The following ZWILCH variants were observed in gnomAD, a reference collection of about 807,000 sequenced individuals.
ZWILCH encodes protein zwilch homolog.
Under a neutral mutation model 79.9 loss-of-function variants are expected in ZWILCH, and 74 were observed. That is an observed-to-expected ratio of 0.93 (90% CI 0.77 to 1.12). The LOEUF is 1.12. ZWILCH is among the 50% of genes most tolerant of loss of function. The pLI, the probability that ZWILCH is intolerant of heterozygous loss-of-function variation, is 0.00. For synonymous variants in ZWILCH, 241 were observed against 228.2 expected (o/e 1.06, Z -0.51); for missense variants, 694 against 687.5 (o/e 1.01, Z -0.11).
chr15:66,527,223 A>C, intron 8 of ZWILCH, 67 bp from the exon 9 acceptor site: 2 of 1,077,986 alleles, frequency 1.9e-6, no homozygotes, highest in South Asian at 2.6e-5. Context: ...TTATTATTAC[A>C]TACATCCTTA....
chr15:66,542,296 C>G (rs911315234), intron 17 of ZWILCH, among the ~76,000 whole-genome samples: 10 of 150,870 alleles, frequency 6.6e-5, no homozygotes, highest in African/African-American at 2.4e-4. Flanking sequence ...TAAAAAAATA[C>G]AAAAAAAGGC....
At chr15:66,535,677 A>G (rs1288846215) in intron 14 of ZWILCH, among the ~76,000 whole-genome samples, 2 of 146,972 alleles carry the variant, frequency 1.4e-5, no homozygotes, top group African/African-American at 2.5e-5. Flanking sequence ...CCCTGTCTCA[A>G]AAAAAAAAAA....
At chr15:66,520,788 T>G (rs1894465344) in intron 6 of ZWILCH, 128 bp downstream of exon 6, 1 of 731,118 alleles carries the variant, frequency 1.4e-6, no homozygotes, top group African/African-American at 1.8e-5. Context: ...TGTTTATGTT[T>G]ATTTTCATAT....
intron 2 of ZWILCH, among the ~76,000 whole-genome samples, chr15:66,509,866 TATATCTCTTAAAAATCA>T (rs1453886782): frequency 5.0e-4 from 46 of 92,214 alleles, no homozygotes; most frequent in African/African-American, 1.8e-3. Flanking sequence ...TATATATATA[TATATCTCTTAAAAATCA>T]ATGAGGAAGA....
intron 9 of ZWILCH, 81 bp from the exon 10 acceptor site, chr15:66,527,769 CCCATTTA>C: frequency 2.6e-6 from 3 of 1,135,390 alleles, no homozygotes; most frequent in Non-Finnish European, 3.9e-6. Flanking sequence ...TTCTACTGTC[CCCATTTA>C]CCATTTGAAA....
At position 66,549,924 on chromosome 15, in the gene ZWILCH, C is replaced by A; in HGVS notation, c.*1600C>A. 1 of 571,448 alleles carries A rather than the reference C, an allele frequency of 1.7e-6. No individual in the cohort carries two copies. The highest frequency in any genetic ancestry group is 3.3e-5 in the East Asian group (1 of 30,036). The allele number at this position is 571,448 out of a possible 1,614,324, so 35.4% of individuals were successfully genotyped here. A position where few individuals can be genotyped will look rare whatever the true frequency, so the allele number is the denominator to read the frequency against. On this transcript the variant is annotated 3_prime_UTR_variant, in exon 19 of 19. Transcript: ENST00000307897. ...TGCTTCAAAGAAACCTGATTTTAATCATAAGTAGTTTTGGAAGATTGACTT... is the reference window on the plus strand; with the variant it reads ...TGCTTCAAAGAAACCTGATTTTAATAATAAGTAGTTTTGGAAGATTGACTT...
chr15:66,524,920 G>A (rs754358403), intron 8 of ZWILCH, among the ~76,000 whole-genome samples: 3 of 152,090 alleles, frequency 2.0e-5, no homozygotes, highest in Non-Finnish European at 4.4e-5. Flanking sequence ...CCCCTGCAGA[G>A]CTGATCTATT....
At position 66,546,689 on chromosome 15, in the gene ZWILCH, A is replaced by T; in HGVS notation, c.*10A>T. 6.3e-7 allele frequency: 1 copy of T among 1,590,910 alleles called. No individual in the cohort carries two copies. Among genetic ancestry groups the T allele is most frequent in the Non-Finnish European group, 8.6e-7 (1 of 1,165,718 alleles). On this transcript the variant is annotated 3_prime_UTR_variant, in exon 18 of 19. Transcript: ENST00000307897. ...GGTGCATTTCAAGTGAAGTGTGCTG[A>T]TGAAGTCCTCTATAAGGTATTTATG...
At chr15:66,541,717 C>T (rs1343415536) in intron 17 of ZWILCH, among the ~76,000 whole-genome samples, 5 of 152,118 alleles carry the variant, frequency 3.3e-5, no homozygotes, top group Admixed American at 3.3e-4. Flanking sequence ...TTGTACGGTG[C>T]TGTTGTCTCT....
chr15:66,531,333 AAAGTTTCAAAGG>A (rs1894846438), intron 12 of ZWILCH, among the ~76,000 whole-genome samples: 1 of 152,204 alleles, frequency 6.6e-6, no homozygotes, highest in Non-Finnish European at 1.5e-5. Flanking sequence ...TCCTAGTTGT[AAAGTTTCAAAGG>A]AACAGCTCTG....
At chr15:66,539,893 G>T (rs1473243969) in intron 16 of ZWILCH, among the ~76,000 whole-genome samples, 1 of 151,858 alleles carries the variant, frequency 6.6e-6, no homozygotes, top group Admixed American at 6.6e-5. Context: ...TTTCTCTGTT[G>T]TAGCATTTTT....
intron 1 of ZWILCH, chr15:66,505,834 T>G (rs1209527347): frequency 1.6e-5 from 3 of 186,478 alleles, no homozygotes; most frequent in Non-Finnish European, 3.3e-5. Context: ...GATAGCAGAT[T>G]GGTGTGTTGC....
At chr15:66,511,155 A>G (rs1894045864) in intron 2 of ZWILCH, among the ~76,000 whole-genome samples, 1 of 152,200 alleles carries the variant, frequency 6.6e-6, no homozygotes, top group Non-Finnish European at 1.5e-5. Flanking sequence ...GATTCAAATA[A>G]TAAGAATATT....
At chr15:66,511,457 C>T (rs1484562186) in intron 2 of ZWILCH, among the ~76,000 whole-genome samples, 1 of 147,864 alleles carries the variant, frequency 6.8e-6, no homozygotes, top group Non-Finnish European at 1.5e-5. Flanking sequence ...TGTGCCACTG[C>T]ACTCCAGTCT....
chr15:66,544,309 G>A (rs1055586169), intron 17 of ZWILCH, among the ~76,000 whole-genome samples: 4 of 151,778 alleles, frequency 2.6e-5, no homozygotes, highest in Non-Finnish European at 4.4e-5. Flanking sequence ...AAGAAGAAAC[G>A]TATTTTATGG....
At chr15:66,516,148 A>C (rs916326771) in intron 4 of ZWILCH, among the ~76,000 whole-genome samples, 5 of 152,242 alleles carry the variant, frequency 3.3e-5, no homozygotes, top group Non-Finnish European at 5.9e-5. Flanking sequence ...GAGAGGAGCT[A>C]CTGGCATTTA....
At chr15:66,544,724 T>TGTGTGTGTGTGTG (rs1555426548) in intron 17 of ZWILCH, among the ~76,000 whole-genome samples, 6,180 of 128,474 alleles carry the variant, frequency 0.048, 381 homozygotes, top group African/African-American at 0.12. Flanking sequence ...TTTTTGGTTT[T>TGTGTGTGTGTGTG]TGTGTGTGTG....
At chr15:66,546,761 C>A in intron 18 of ZWILCH, 56 bp downstream of exon 18, 1 of 906,602 alleles carries the variant, frequency 1.1e-6, no homozygotes, top group Non-Finnish European at 1.6e-6. Context: ...AAGTACCTTA[C>A]GTTTAGTTCT....
intron 18 of ZWILCH, chr15:66,547,529 T>A (rs771403868): frequency 6.6e-6 from 1 of 152,300 alleles, no homozygotes; most frequent in East Asian, 1.9e-4. Flanking sequence ...CATTTTAACA[T>A]AGTTAAGAGT....
Sources: allele counts gnomAD v4.1 joint callset (sites outside exome capture counted in the v4.1 genomes callset), GRCh38; gene constraint gnomAD v4.1.1; transcripts MANE v1.5; gene names NCBI Gene and HGNC (gene_info 2026-07-23, HGNC 2026-07-21).